RANBP17: variants seen among roughly 807,000 people sequenced by gnomAD.
RANBP17 encodes ran-binding protein 17.
A neutral mutation model predicts 141.2 loss-of-function variants in RANBP17; 158 were observed. The observed-to-expected ratio is 1.12, with a 90% CI of 0.98 to 1.28. RANBP17 has a LOEUF of 1.28. Among genes scored for constraint, RANBP17 ranks in the 50% most tolerant of loss-of-function variants. The pLI, the probability that RANBP17 is intolerant of heterozygous loss-of-function variation, is 0.00. For synonymous variants in RANBP17, 430 were observed against 450.0 expected (o/e 0.96, Z 0.56); for missense variants, 1,438 against 1,290.7 (o/e 1.11, Z -1.75).
chr5:170,948,984 AT>A (rs1259426836), intron 12 of RANBP17, among the ~76,000 whole-genome samples: 1 of 152,088 alleles, frequency 6.6e-6, no homozygotes, highest in East Asian at 1.9e-4. Flanking sequence ...GAGACACCTC[AT>A]CTCTACAAAA....
At chr5:171,241,290 G>A in intron 23 of RANBP17, 148 bp downstream of exon 23, 1 of 565,572 alleles carries the variant, frequency 1.8e-6, no homozygotes, top group Non-Finnish European at 3.0e-6. Context: ...ACAGAATTTG[G>A]AAAACTATAG....
intron 12 of RANBP17, among the ~76,000 whole-genome samples, chr5:170,943,638 T>A (rs903171663): frequency 1.3e-5 from 2 of 152,092 alleles, no homozygotes; most frequent in South Asian, 4.1e-4. Flanking sequence ...AAATGAGATT[T>A]AAAAAAAATT....
chr5:171,124,124 A>G (rs1366549324), intron 14 of RANBP17, among the ~76,000 whole-genome samples: 1 of 152,140 alleles, frequency 6.6e-6, no homozygotes, highest in East Asian at 1.9e-4. Context: ...AATCAGGAAA[A>G]CAATTCATGA....
chr5:171,008,206 G>A (rs1779786289), intron 14 of RANBP17, among the ~76,000 whole-genome samples: 1 of 152,198 alleles, frequency 6.6e-6, no homozygotes, highest in Non-Finnish European at 1.5e-5. Flanking sequence ...GAAAAGATCT[G>A]GAATTGGAAG....
In RANBP17 at chr5:171,291,521, G is replaced by A. The variant is rs553427211; in HGVS notation, c.2944-2362G>A. Among the ~76,000 whole-genome samples the A allele has an allele frequency of 2.4e-4, 37 of 152,244 alleles. No individual in the cohort carries two copies. The South Asian group carries it at 6.2e-3, about 26-fold the overall frequency. Reference sequence around the variant, plus strand: ...GGTACCTTGTGACTCACCGTGGGCCGGGTGGTGCAGAATTGCCAAGAGCTG... The same window carrying A: ...GGTACCTTGTGACTCACCGTGGGCCAGGTGGTGCAGAATTGCCAAGAGCTG... On this transcript the variant is annotated intron_variant, in intron 25 of 27. Transcript: ENST00000523189.
At chr5:171,185,633 T>C (rs956180090) in intron 18 of RANBP17, among the ~76,000 whole-genome samples, 1 of 152,238 alleles carries the variant, frequency 6.6e-6, no homozygotes, top group Non-Finnish European at 1.5e-5. Context: ...TTCATGAGAC[T>C]GGAGCAATTC....
chr5:171,175,445 C>T (rs945454530), intron 16 of RANBP17, among the ~76,000 whole-genome samples: 2 of 152,144 alleles, frequency 1.3e-5, no homozygotes, highest in Non-Finnish European at 2.9e-5. Context: ...TCCTCTCCAG[C>T]ATCTGTTGTT....
At chr5:171,121,302 A>C (rs1211726590) in intron 14 of RANBP17, among the ~76,000 whole-genome samples, 1 of 152,208 alleles carries the variant, frequency 6.6e-6, no homozygotes, top group Non-Finnish European at 1.5e-5. Context: ...GTCTGAGGGC[A>C]TGTGTGCCAG....
At position 171,078,139 on chromosome 5, in the gene RANBP17, T is replaced by C. The variant is rs1432899893; in HGVS notation, c.1711-91991T>C. On this transcript the variant is annotated intron_variant, in intron 14 of 27. Transcript: ENST00000523189. ...GATTTTCTTTTCTTTTCTTTCTTTT[T>C]TTTTTTTTTTTTGAGACTGAGTCTC... 4.7e-5 allele frequency among the ~76,000 whole-genome samples: 7 copies of C among 150,140 alleles called. No individual in the cohort carries two copies. The East Asian group carries it at 7.8e-4, about 17-fold the overall frequency.
At chr5:171,094,561 AT>A (rs1224257638) in intron 14 of RANBP17, among the ~76,000 whole-genome samples, 2 of 152,154 alleles carry the variant, frequency 1.3e-5, no homozygotes, top group Non-Finnish European at 2.9e-5. Context: ...TTAGAAACAC[AT>A]CCTTTAAATA....
At chr5:171,075,543 G>T (rs964343607) in intron 14 of RANBP17, among the ~76,000 whole-genome samples, 8 of 152,184 alleles carry the variant, frequency 5.3e-5, no homozygotes, top group Admixed American at 1.3e-4. Flanking sequence ...CTGGATACAG[G>T]GAGGCTTGGA....
At chr5:171,286,192 G>A (rs889657745) in intron 25 of RANBP17, among the ~76,000 whole-genome samples, 1 of 152,220 alleles carries the variant, frequency 6.6e-6, no homozygotes, top group African/African-American at 2.4e-5. Context: ...TAGTTGAGAT[G>A]TGGAAGCATG....
intron 12 of RANBP17, among the ~76,000 whole-genome samples, chr5:170,932,721 G>T (rs1773500836): frequency 6.6e-6 from 1 of 152,070 alleles, no homozygotes; most frequent in South Asian, 2.1e-4. Flanking sequence ...TTATTGATTT[G>T]CATATGTTGA....
intron 14 of RANBP17, among the ~76,000 whole-genome samples, chr5:171,010,005 T>C (rs1779920797): frequency 6.6e-6 from 1 of 152,122 alleles, no homozygotes; most frequent in East Asian, 1.9e-4. Context: ...AGCCCTCTTT[T>C]TGATGAGTTA....
At chr5:171,065,143 T>A (rs1354765152) in intron 14 of RANBP17, among the ~76,000 whole-genome samples, 2 of 152,236 alleles carry the variant, frequency 1.3e-5, no homozygotes, top group South Asian at 4.1e-4. Context: ...TATTTATATC[T>A]CTGATCCATT....
intron 14 of RANBP17, chr5:171,028,790 G>A: frequency 3.3e-6 from 2 of 606,848 alleles, no homozygotes; most frequent in Admixed American, 2.4e-5. Context: ...GTGCAAACCT[G>A]CCTTTTTTCC....
chr5:170,862,665 C>G (rs1159761626), intron 1 of RANBP17, among the ~76,000 whole-genome samples: 1 of 149,038 alleles, frequency 6.7e-6, no homozygotes, highest in Non-Finnish European at 1.5e-5. Context: ...CCGGGCCGGG[C>G]GCGGGCGCGG....
chr5:170,972,147 A>C (rs1316117755), intron 14 of RANBP17, among the ~76,000 whole-genome samples: 3 of 151,500 alleles, frequency 2.0e-5, no homozygotes, highest in Non-Finnish European at 4.4e-5. Flanking sequence ...ACTTTATATA[A>C]AAGTATTATG....
intron 22 of RANBP17, among the ~76,000 whole-genome samples, chr5:171,231,724 T>A (rs967611925): frequency 6.6e-6 from 1 of 152,210 alleles, no homozygotes; most frequent in Non-Finnish European, 1.5e-5. Flanking sequence ...TTTTTCTTTT[T>A]CGGTTACTTG....
Sources: allele counts gnomAD v4.1 joint callset (sites outside exome capture counted in the v4.1 genomes callset), GRCh38; gene constraint gnomAD v4.1.1; transcripts MANE v1.5; gene names NCBI Gene and HGNC (gene_info 2026-07-23, HGNC 2026-07-21).